FBXL20: variants seen among roughly 807,000 people sequenced by gnomAD.
The protein encoded by FBXL20 is F-box/LRR-repeat protein 20.
Under a neutral mutation model 64.0 loss-of-function variants are expected in FBXL20, and 11 were observed. That is an observed-to-expected ratio of 0.17 (90% confidence interval 0.11 to 0.28). The LOEUF (loss-of-function observed/expected upper bound fraction) is 0.28. FBXL20 is among the 10% of genes least tolerant of loss of function. The pLI is 1.00. For synonymous variants in FBXL20, 184 were observed against 189.0 expected, an observed-to-expected ratio of 0.97 and a Z score of 0.22; for missense variants, 303 against 526.2, an observed-to-expected ratio of 0.58 and a Z score of 4.15.
rs1373997396 is a variant in FBXL20 at position 39,313,383 on chromosome 17, GCCA to G, written c.105-9747_105-9745del. 2.0e-5 allele frequency among the ~76,000 whole-genome samples: 3 copies of G among 151,694 alleles called. No homozygotes were observed. The East Asian group carries it at 5.8e-4, about 30-fold the overall frequency. On this transcript the variant is annotated intron_variant, in intron 2 of 14. Coordinates refer to ENST00000264658, the MANE Select transcript of FBXL20 (RefSeq NM_032875.3). Reference sequence around the variant, plus strand: ...CAAGTAGCTGGAATTACAGGCGCCTGCCACCACGCCAGCTAATTTTTGTATTTT... The same window carrying G: ...CAAGTAGCTGGAATTACAGGCGCCTGCCACGCCAGCTAATTTTTGTATTTT...
In FBXL20 at chr17:39,260,081, T is replaced by C. The variant is rs559861680; in HGVS notation, c.*1379A>G. On this transcript the variant is annotated 3_prime_UTR_variant, in exon 15 of 15. Transcript: ENST00000264658. Reference sequence around the variant, plus strand: ...CCCTTTGGGGTGCCAACACTAGATATGAATCCATTAACACTGACATACAAT... The same window carrying C: ...CCCTTTGGGGTGCCAACACTAGATACGAATCCATTAACACTGACATACAAT... 1.3e-5 allele frequency: 2 copies of C among 149,838 alleles called. No homozygotes were observed. The highest frequency in any genetic ancestry group is 2.0e-4 in the East Asian group (1 of 5,108). The allele number at this position is 149,838 out of a possible 1,614,324, so 9.3% of individuals were successfully genotyped here.
At chr17:39,382,360 G>A (rs1040799886) in intron 1 of FBXL20, among the ~76,000 whole-genome samples, 2 of 144,520 alleles carry the variant, frequency 1.4e-5, no homozygotes, top group Admixed American at 7.0e-5. Context: ...GGAGAATGGC[G>A]TGAACCCAGG....
intron 6 of FBXL20, among the ~76,000 whole-genome samples, chr17:39,291,081 C>T (rs1244644306): frequency 6.6e-6 from 1 of 151,738 alleles, no homozygotes. Flanking sequence ...CCTGCCTCAG[C>T]CTCCAGAGCA....
intron 6 of FBXL20, among the ~76,000 whole-genome samples, chr17:39,288,109 G>A (rs983871814): frequency 1.5e-4 from 22 of 151,464 alleles, no homozygotes; most frequent in African/African-American, 1.9e-4. Context: ...GACTACAGGC[G>A]CACACCAACA....
chr17:39,303,419 C>T (rs1270506074), intron 3 of FBXL20, among the ~76,000 whole-genome samples, 166 bp downstream of exon 3: 1 of 152,000 alleles, frequency 6.6e-6, no homozygotes, highest in Non-Finnish European at 1.5e-5. Flanking sequence ...ATAGTAGAAT[C>T]CCATCATAAA....
chr17:39,301,179 C>T, intron 3 of FBXL20, 104 bp from the exon 4 acceptor site: 1 of 1,005,346 alleles, frequency 9.9e-7, no homozygotes, highest in Non-Finnish European at 1.5e-6. Flanking sequence ...TAAAATGGAT[C>T]CAAAAATTTA....
At chr17:39,344,540 C>T (rs55844295) in intron 1 of FBXL20, among the ~76,000 whole-genome samples, 4,847 of 152,058 alleles carry the variant, frequency 0.032, 118 homozygotes, top group African/African-American at 0.069. Flanking sequence ...AATCCCAGCA[C>T]TTTGGCAGGC....
chr17:39,366,919 T>C (rs1267530455), intron 1 of FBXL20, among the ~76,000 whole-genome samples: 1 of 151,124 alleles, frequency 6.6e-6, no homozygotes, highest in Non-Finnish European at 1.5e-5. Context: ...AGCCTCGCTC[T>C]GTCAGCCAGG....
At chr17:39,342,438 G>C (rs1184187363) in intron 2 of FBXL20, among the ~76,000 whole-genome samples, 1 of 151,700 alleles carries the variant, frequency 6.6e-6, no homozygotes, top group Non-Finnish European at 1.5e-5. Context: ...AATTGGGGCT[G>C]GGCACCGTGG....
chr17:39,261,744 A>T (rs2046747419), intron 14 of FBXL20, among the ~76,000 whole-genome samples, 177 bp from the exon 15 acceptor site: 3 of 151,968 alleles, frequency 2.0e-5, no homozygotes, highest in African/African-American at 7.2e-5. Context: ...GGTTGTTCTC[A>T]ATGACCAGAA....
intron 6 of FBXL20, among the ~76,000 whole-genome samples, chr17:39,293,457 A>G (rs1220978554): frequency 2.6e-5 from 4 of 152,104 alleles, no homozygotes; most frequent in Non-Finnish European, 5.9e-5. Context: ...TCCTGACTTC[A>G]GGTGATCTGC....
At chr17:39,267,885 G>T (rs1281860971) in intron 12 of FBXL20, among the ~76,000 whole-genome samples, 7 of 152,168 alleles carry the variant, frequency 4.6e-5, no homozygotes, top group African/African-American at 1.4e-4. Flanking sequence ...TTTTAGTTTA[G>T]TAAGAACTAA....
At chr17:39,372,975 C>T (rs752429303) in intron 1 of FBXL20, among the ~76,000 whole-genome samples, 2 of 151,948 alleles carry the variant, frequency 1.3e-5, no homozygotes, top group Admixed American at 6.6e-5. Context: ...AACTCAAATG[C>T]TTGATTAAAT....
intron 7 of FBXL20, 55 bp from the exon 8 acceptor site, chr17:39,282,910 C>G (rs986214204): frequency 1.3e-6 from 2 of 1,596,732 alleles, no homozygotes; most frequent in Non-Finnish European, 1.7e-6. Context: ...TCCAAAAACA[C>G]CAACGTCTCA....
intron 3 of FBXL20, 127 bp from the exon 4 acceptor site, chr17:39,301,202 C>T: frequency 1.4e-6 from 1 of 709,512 alleles, no homozygotes; most frequent in Non-Finnish European, 2.4e-6. Flanking sequence ...AGGCCCTATC[C>T]ACTTACTCCC....
At chr17:39,264,111 A>G (rs771616752) in intron 14 of FBXL20, 64 bp downstream of exon 14, 3 of 1,467,064 alleles carry the variant, frequency 2.0e-6, no homozygotes, top group Non-Finnish European at 1.9e-6. Context: ...TGAAAAAAGG[A>G]AAAAAAAAGA....
intron 1 of FBXL20, among the ~76,000 whole-genome samples, chr17:39,390,524 G>T (rs1021555116): frequency 2.0e-5 from 3 of 151,364 alleles, no homozygotes; most frequent in African/African-American, 7.3e-5. Context: ...TGGCGCCACT[G>T]CACTCCAACC....
intron 1 of FBXL20, among the ~76,000 whole-genome samples, chr17:39,366,060 G>A (rs141295906): frequency 1.8e-3 from 271 of 151,998 alleles, no homozygotes; most frequent in African/African-American, 6.4e-3. Context: ...TCACAGGAGC[G>A]ATCATAGTAC....
chr17:39,381,814 A>G (rs1303800841), intron 1 of FBXL20, among the ~76,000 whole-genome samples: 1 of 151,340 alleles, frequency 6.6e-6, no homozygotes, highest in Non-Finnish European at 1.5e-5. Context: ...AAAAAAAAAA[A>G]GGCCGGGCAC....
Sources: allele counts gnomAD v4.1 joint callset (sites outside exome capture counted in the v4.1 genomes callset), GRCh38; gene constraint gnomAD v4.1.1; transcripts MANE v1.5; gene names NCBI Gene and HGNC (gene_info 2026-07-23, HGNC 2026-07-21).